Variants in PTPRM observed in about 807,000 individuals in gnomAD.
PTPRM encodes the protein protein tyrosine phosphatase receptor type M.
A neutral mutation model predicts 186.7 loss-of-function variants in PTPRM; 47 were observed. The ratio of observed to expected loss-of-function variants is 0.25; its 90% CI spans 0.20 to 0.32. The LOEUF is 0.32. Ranked by LOEUF, PTPRM falls within the 10% of genes least tolerant of loss-of-function variation. The pLI is 1.00. For synonymous variants in PTPRM, 668 were observed against 674.9 expected, an observed-to-expected ratio of 0.99 and a Z score of 0.16; for missense variants, 1,494 against 1,865.0, an observed-to-expected ratio of 0.80 and a Z score of 3.66.
At chr18:8,089,917 C>A (rs150486796) in intron 11 of PTPRM, among the ~76,000 whole-genome samples, 3 of 152,246 alleles carry the variant, frequency 2.0e-5, no homozygotes, top group Non-Finnish European at 4.4e-5. Context: ...TTTGAAAAAT[C>A]TCCAAAATGT....
At chr18:8,394,364 A>G (rs2095835026) in intron 31 of PTPRM, 112 bp from the exon 32 acceptor site, 2 of 1,235,480 alleles carry the variant, frequency 1.6e-6, no homozygotes, top group South Asian at 3.6e-5. Context: ...CCGGCCTCAG[A>G]GCCCTTTGTT....
chr18:8,145,657 C>CT (rs2092866271), intron 14 of PTPRM, among the ~76,000 whole-genome samples: 1 of 152,144 alleles, frequency 6.6e-6, no homozygotes, highest in Admixed American at 6.6e-5. Flanking sequence ...TGAACTCATC[C>CT]TTTTTTATGG....
intron 14 of PTPRM, among the ~76,000 whole-genome samples, chr18:8,166,314 G>A (rs1353617058): frequency 2.0e-5 from 3 of 151,970 alleles, no homozygotes; most frequent in Admixed American, 6.6e-5. Flanking sequence ...GCTTTCCCTG[G>A]GCTGCAGCCT....
intron 19 of PTPRM, among the ~76,000 whole-genome samples, chr18:8,274,800 G>A (rs1052976959): frequency 6.6e-6 from 1 of 152,168 alleles, no homozygotes; most frequent in Non-Finnish European, 1.5e-5. Flanking sequence ...CTGTCCTCAG[G>A]AAACATCCCT....
chr18:7,876,843 T>C (rs1043897605), intron 2 of PTPRM, among the ~76,000 whole-genome samples: 2 of 152,210 alleles, frequency 1.3e-5, no homozygotes, highest in African/African-American at 4.8e-5. Context: ...GGCAGCTTAG[T>C]ATCATGCTTA....
intron 1 of PTPRM, among the ~76,000 whole-genome samples, chr18:7,615,906 G>A (rs888402472): frequency 6.6e-6 from 1 of 152,140 alleles, no homozygotes; most frequent in African/African-American, 2.4e-5. Context: ...TCAGGGATTA[G>A]ATTCTCATTA....
chr18:7,704,950 A>G (rs1037229822), intron 1 of PTPRM, among the ~76,000 whole-genome samples: 9 of 152,166 alleles, frequency 5.9e-5, no homozygotes, highest in Non-Finnish European at 1.5e-5. Flanking sequence ...AAATTATGTG[A>G]GGCCTTTGAA....
At chr18:8,215,911 G>C (rs957354184) in intron 14 of PTPRM, among the ~76,000 whole-genome samples, 1 of 152,036 alleles carries the variant, frequency 6.6e-6, no homozygotes. Flanking sequence ...AGAAGGCTTG[G>C]AATAACCATC....
chr18:8,098,724 A>G (rs569100219), intron 11 of PTPRM, among the ~76,000 whole-genome samples: 66 of 152,268 alleles, frequency 4.3e-4, no homozygotes, highest in African/African-American at 1.5e-3. Flanking sequence ...GACTCCTGCA[A>G]AAACTTGTCT....
intron 1 of PTPRM, among the ~76,000 whole-genome samples, chr18:7,752,865 C>A (rs2041287971): frequency 6.6e-6 from 1 of 152,152 alleles, no homozygotes; most frequent in Non-Finnish European, 1.5e-5. Context: ...AATGTGTTTT[C>A]TAAGTTTATT....
At chr18:7,640,502 A>G (rs1251851153) in intron 1 of PTPRM, among the ~76,000 whole-genome samples, 2 of 152,102 alleles carry the variant, frequency 1.3e-5, no homozygotes, top group African/African-American at 2.4e-5. Context: ...ACTAAAATAT[A>G]TATATATGAC....
chr18:8,028,770 T>C (rs1055004308), intron 7 of PTPRM, among the ~76,000 whole-genome samples: 3 of 152,192 alleles, frequency 2.0e-5, no homozygotes, highest in African/African-American at 7.2e-5. Flanking sequence ...ATCAGCTGGC[T>C]GAATAACAAT....
intron 8 of PTPRM, among the ~76,000 whole-genome samples, chr18:8,071,670 G>A (rs1281708750): frequency 2.0e-5 from 3 of 152,160 alleles, no homozygotes; most frequent in Non-Finnish European, 4.4e-5. Flanking sequence ...TGCCTGCTCT[G>A]TGCATCCTGG....
chr18:8,292,406 C>G (rs75778265), intron 19 of PTPRM, among the ~76,000 whole-genome samples: 12,810 of 152,194 alleles, frequency 0.084, 604 homozygotes, highest in Middle Eastern at 0.16. Flanking sequence ...AGGTTTATTA[C>G]TTATTTTCTA....
At chr18:7,895,494 T>C (rs1209032097) in intron 3 of PTPRM, among the ~76,000 whole-genome samples, 1 of 152,198 alleles carries the variant, frequency 6.6e-6, no homozygotes, top group Non-Finnish European at 1.5e-5. Flanking sequence ...CCAGACCTGC[T>C]GTCATACAGC....
At chr18:8,064,491 T>C (rs2088896493) in intron 7 of PTPRM, among the ~76,000 whole-genome samples, 1 of 152,242 alleles carries the variant, frequency 6.6e-6, no homozygotes, top group Non-Finnish European at 1.5e-5. Context: ...AAAAACAGAT[T>C]GTTTCCAAGG....
chr18:8,215,565 T>C (rs2094071228), intron 14 of PTPRM, among the ~76,000 whole-genome samples: 1 of 148,712 alleles, frequency 6.7e-6, no homozygotes, highest in African/African-American at 2.5e-5. Flanking sequence ...TTTTTTTTTT[T>C]TGAGACAAGA....
chr18:8,260,607 C>A (rs1456855562), intron 19 of PTPRM, among the ~76,000 whole-genome samples: 1 of 152,204 alleles, frequency 6.6e-6, no homozygotes, highest in Non-Finnish European at 1.5e-5. Flanking sequence ...CATCTCCCAA[C>A]ACTGCCACAC....
chr18:7,662,231 CAG>C (rs1252408386), intron 1 of PTPRM, among the ~76,000 whole-genome samples: 1 of 152,182 alleles, frequency 6.6e-6, no homozygotes, highest in African/African-American at 2.4e-5. Context: ...CCACTATATC[CAG>C]ACCATATATA....
Sources: allele counts gnomAD v4.1 joint callset (sites outside exome capture counted in the v4.1 genomes callset), GRCh38; gene constraint gnomAD v4.1.1; transcripts MANE v1.5; gene names NCBI Gene and HGNC (gene_info 2026-07-23, HGNC 2026-07-21).